Variants in SLCO1A2 observed in about 807,000 individuals in gnomAD.
SLCO1A2 encodes OATP-1.
SLCO1A2 carries 67 observed loss-of-function variants against 69.0 expected under a neutral mutation model. The ratio of observed to expected loss-of-function variants is 0.97; its 90% CI spans 0.80 to 1.19. The LOEUF is 1.19. Ranked by LOEUF, SLCO1A2 falls within the 50% of genes most tolerant of loss-of-function variation. The pLI is 0.00. For missense variants in SLCO1A2, 787 were observed against 793.7 expected (o/e 0.99, Z 0.10); for synonymous variants, 260 against 265.9 (o/e 0.98, Z 0.22).
intron 12 of SLCO1A2, 123 bp from the exon 13 acceptor site, chr12:21,275,547 T>C (rs896707460): frequency 3.5e-5 from 36 of 1,026,886 alleles, no homozygotes; most frequent in Admixed American, 2.6e-4. Context: ...ACTTTCATGC[T>C]CACTTATTGG....
chr12:21,362,229 A>C (rs1418353513), intron 2 of SLCO1A2, among the ~76,000 whole-genome samples: 2 of 152,194 alleles, frequency 1.3e-5, no homozygotes, highest in Admixed American at 6.5e-5. Flanking sequence ...GCCAGTAGAG[A>C]GTGGGGGCCA....
At chr12:21,386,397 A>G (rs1009473587) in intron 1 of SLCO1A2, among the ~76,000 whole-genome samples, 3 of 152,272 alleles carry the variant, frequency 2.0e-5, no homozygotes, top group African/African-American at 7.2e-5. Context: ...CTCATCTTGA[A>G]TTGTCACTCC....
At chr12:21,344,992 T>A (rs190930960) in intron 2 of SLCO1A2, among the ~76,000 whole-genome samples, 1 of 152,040 alleles carries the variant, frequency 6.6e-6, no homozygotes, top group Admixed American at 6.6e-5. Flanking sequence ...CCAAGGAGTT[T>A]ATTCATATAA....
At chr12:21,371,380 A>G (rs145042267) in intron 2 of SLCO1A2, among the ~76,000 whole-genome samples, 1 of 149,772 alleles carries the variant, frequency 6.7e-6, no homozygotes, top group Admixed American at 6.6e-5. Flanking sequence ...ACGGAAATGC[A>G]TTATCCTTCC....
At chr12:21,283,180 T>A (rs1591787576) in intron 12 of SLCO1A2, among the ~76,000 whole-genome samples, 1 of 152,084 alleles carries the variant, frequency 6.6e-6, no homozygotes, top group Non-Finnish European at 1.5e-5. Context: ...ATCACAGACC[T>A]ATAGTAACCA....
At chr12:21,392,474 A>T (rs1015947650) in intron 1 of SLCO1A2, among the ~76,000 whole-genome samples, 5 of 152,212 alleles carry the variant, frequency 3.3e-5, no homozygotes, top group Non-Finnish European at 1.5e-5. Flanking sequence ...CAGAGGACAA[A>T]TATAAAGCAC....
chr12:21,301,239 G>A lies in SLCO1A2; in HGVS notation c.620C>T (p.Pro207Leu). The change falls in exon 7 of 15, where the codon CCT becomes CTT. Residue 207 changes from proline (P) to leucine (L), a missense_variant. Coordinates refer to ENST00000683939, the MANE Select transcript of SLCO1A2 (RefSeq NM_001386879.1). ...GLVETGAIIG[P>L]LIGLLLASFC... ...TGATGCCAACAAAAGTCCAATCAAA[G>A]GACCAATAATAGCTCCTGTTTCTAC... 6.2e-7 allele frequency: 1 copy of A among 1,612,036 alleles called. No individual in the cohort carries two copies. Among genetic ancestry groups the A allele is most frequent in the Non-Finnish European group, 8.5e-7 (1 of 1,179,142 alleles).
intron 12 of SLCO1A2, 38 bp downstream of exon 12, chr12:21,292,126 A>C (rs1946953896): frequency 6.9e-7 from 1 of 1,440,008 alleles, no homozygotes; most frequent in Non-Finnish European, 9.3e-7. Context: ...TTAATAAATG[A>C]CCCCAAAAAA....
Position 21,334,605 on chromosome 12 carries a change from A to C in SLCO1A2, c.43T>G (p.Cys15Gly), listed in dbSNP as rs1350968144. 1 of 1,610,298 alleles carries C rather than the reference A, an allele frequency of 6.2e-7. No individual in the cohort carries two copies. The highest frequency in any genetic ancestry group is 1.7e-5 in the Admixed American group (1 of 59,658). Residue 15 changes from cysteine to glycine, a missense_variant, in exon 2 of 15, where the codon TGT becomes GGT. Cys to Gly is a radical substitution (Grantham distance 159). Coordinates refer to ENST00000683939, the MANE Select transcript of SLCO1A2 (RefSeq NM_001386879.1). ...EKRIETHRIR[C>G]LSKLKMFLLA... ...TTCCATACCTTCAACTTGGAAAGAC[A>C]TCTTATTCTATGGGTTTCAATTCTT...
intron 2 of SLCO1A2, among the ~76,000 whole-genome samples, chr12:21,365,092 G>T (rs1017489131): frequency 1.3e-5 from 2 of 151,912 alleles, no homozygotes; most frequent in Non-Finnish European, 2.9e-5. Flanking sequence ...TTGCCAATAC[G>T]ATCCTAAGCC....
intron 1 of SLCO1A2, among the ~76,000 whole-genome samples, chr12:21,384,627 G>T (rs1014386174): frequency 2.6e-5 from 4 of 151,618 alleles, no homozygotes; most frequent in African/African-American, 9.7e-5. Context: ...ATACTAAAAA[G>T]ATATAATTTA....
intron 1 of SLCO1A2, among the ~76,000 whole-genome samples, chr12:21,415,902 G>A (rs1941980691): frequency 6.6e-6 from 1 of 151,420 alleles, no homozygotes; most frequent in Admixed American, 6.6e-5. Context: ...TTTGTCCTTG[G>A]CTTCTTCCAT....
chr12:21,406,679 C>T (rs1941828144), intron 1 of SLCO1A2, among the ~76,000 whole-genome samples: 1 of 152,240 alleles, frequency 6.6e-6, no homozygotes, highest in East Asian at 1.9e-4. Flanking sequence ...GACACAGGTA[C>T]AGATAGGCTT....
chr12:21,415,437 A>T (rs1941974580), intron 1 of SLCO1A2, among the ~76,000 whole-genome samples: 1 of 151,980 alleles, frequency 6.6e-6, no homozygotes, highest in Non-Finnish European at 1.5e-5. Context: ...CTTTTTATTT[A>T]AGTATTTTAT....
chr12:21,337,960 C>T (rs1357575969), upstream of SLCO1A2, among the ~76,000 whole-genome samples: 1 of 151,932 alleles, frequency 6.6e-6, no homozygotes, highest in Non-Finnish European at 1.5e-5. Flanking sequence ...CTCACAAAAA[C>T]ACAAGTAAAC....
At chr12:21,285,950 A>G (rs1439199157) in intron 12 of SLCO1A2, among the ~76,000 whole-genome samples, 5 of 152,152 alleles carry the variant, frequency 3.3e-5, no homozygotes, top group African/African-American at 1.2e-4. Context: ...AACTGGCACA[A>G]GACAGGGATG....
At chr12:21,335,555 A>G (rs1952855051), upstream of SLCO1A2, among the ~76,000 whole-genome samples, 1 of 152,060 alleles carries the variant, frequency 6.6e-6, no homozygotes, top group Non-Finnish European at 1.5e-5. Flanking sequence ...TATCAAAACC[A>G]AAGTGTTTCA....
At chr12:21,296,867 T>C (rs1023045290) in intron 9 of SLCO1A2, among the ~76,000 whole-genome samples, 5 of 152,154 alleles carry the variant, frequency 3.3e-5, no homozygotes, top group Admixed American at 6.5e-5. Context: ...GCCTGGGATA[T>C]TGACTTTTAA....
intron 1 of SLCO1A2, among the ~76,000 whole-genome samples, chr12:21,393,541 A>T (rs1237042195): frequency 6.6e-6 from 1 of 152,192 alleles, no homozygotes; most frequent in Non-Finnish European, 1.5e-5. Context: ...CGGATTAAAA[A>T]TTTTTAATTT....
Sources: allele counts gnomAD v4.1 joint callset (sites outside exome capture counted in the v4.1 genomes callset), GRCh38; gene constraint gnomAD v4.1.1; transcripts MANE v1.5; gene names NCBI Gene and HGNC (gene_info 2026-07-23, HGNC 2026-07-21).